PCDHGB4: variants seen among roughly 807,000 people sequenced by gnomAD.
The protein encoded by PCDHGB4 is protocadherin gamma-B4.
In PCDHGB4, 38 loss-of-function variants were observed where a neutral mutation model predicts 60.5. The ratio of observed to expected loss-of-function variants is 0.63; its 90% confidence interval spans 0.48 to 0.82. PCDHGB4 has a LOEUF of 0.82. Among genes scored for constraint, PCDHGB4 ranks in the 40% least tolerant of loss-of-function variants. PCDHGB4 has a pLI of 0.00. For synonymous variants in PCDHGB4, 456 were observed against 509.7 expected, an observed-to-expected ratio of 0.89 and a Z score of 1.42; for missense variants, 1,109 against 1,209.6, an observed-to-expected ratio of 0.92 and a Z score of 1.23.
intron 1 of PCDHGB4, chr5:141,418,417 T>C: frequency 6.2e-7 from 1 of 1,614,002 alleles, no homozygotes; most frequent in Non-Finnish European, 8.5e-7. Flanking sequence ...AAGACAATCC[T>C]GATGGTGGCA....
Position 141,476,340 on chromosome 5 carries a change from G to A in PCDHGB4, c.2398-18467G>A, listed in dbSNP as rs760616287. The A allele has an allele frequency of 2.2e-5, 36 of 1,614,068 alleles. No homozygotes were observed. In the Admixed American group the frequency reaches 2.5e-4, roughly 11 times the overall value. On this transcript the variant is annotated intron_variant, in intron 1 of 3. Transcript: ENST00000519479. The surrounding 1 kb of genome is among the most constrained non-coding windows in gnomAD (Gnocchi z 7.6). The stretch of plus-strand genomic sequence containing the variant: ...CGGGTGGTGTCTGGAGCTAGCCGAA[G>A]ATTCTTTGAGGTGAACCGGGAGACC...
Position 141,419,737 on chromosome 5 carries a change from G to A in PCDHGB4, c.2397+29456G>A, listed in dbSNP as rs201663350. 29 of 1,613,836 alleles carry A rather than the reference G, an allele frequency of 1.8e-5. No individual in the cohort carries two copies. In the African/African-American group the frequency reaches 3.6e-4, roughly 20 times the overall value. ...GCCTGGGGCTGCGAACAGGCGAGGTGCGCATGGTGCGTGCTTTGGGTGACA... is the reference window on the plus strand; with the variant it reads ...GCCTGGGGCTGCGAACAGGCGAGGTACGCATGGTGCGTGCTTTGGGTGACA... On this transcript the variant is annotated intron_variant, in intron 1 of 3. Transcript: ENST00000519479.
Position 141,389,481 on chromosome 5 carries a change from C to G in PCDHGB4, c.1597C>G (p.Arg533Gly), listed in dbSNP as rs372276550. The G allele has an allele frequency of 3.7e-5, 60 of 1,612,962 alleles. No individual in the cohort carries two copies. Among genetic ancestry groups the G allele is most frequent in the African/African-American group, 8.0e-5 (6 of 74,934 alleles). Residue 533 changes from arginine to glycine, a missense_variant, in exon 1 of 4, where the codon CGC becomes GGC. This residue lies in a region of PCDHGB4 where 1,068 missense variants were observed against 1,089.9 expected (regional missense o/e 0.98). Transcript: ENST00000519479. The part of the protein sequence containing the change: ...LRAFELTLQA[R>G]DQGSPALSAN... ...CGCCTTCGAACTCACACTGCAGGCC[C>G]GCGACCAGGGCTCGCCAGCGCTCAG...
chr5:141,391,872 CTT>C (rs1248262671), intron 1 of PCDHGB4: 1 of 152,168 alleles, frequency 6.6e-6, no homozygotes, highest in East Asian at 1.9e-4. Context: ...TTAATCATCT[CTT>C]TGGTGAAAGG....
chr5:141,406,390 ATTC>A (rs2094804697), intron 1 of PCDHGB4, among the ~76,000 whole-genome samples: 1 of 152,172 alleles, frequency 6.6e-6, no homozygotes, highest in Non-Finnish European at 1.5e-5. Flanking sequence ...AGGTAAATGT[ATTC>A]TTCTTAGAGA....
chr5:141,459,084 A>T (rs2098960410), intron 1 of PCDHGB4, among the ~76,000 whole-genome samples: 2 of 152,204 alleles, frequency 1.3e-5, no homozygotes, highest in Non-Finnish European at 2.9e-5. Flanking sequence ...TGCCTTTTAA[A>T]ATTATACAGT....
chr5:141,403,204 G>C, intron 1 of PCDHGB4: 3 of 1,613,952 alleles, frequency 1.9e-6, no homozygotes, highest in Non-Finnish European at 2.5e-6. Flanking sequence ...GCGGCACCTT[G>C]GTCACCGCGG....
At chr5:141,434,658 T>C (rs1243599957) in intron 1 of PCDHGB4, among the ~76,000 whole-genome samples, 2 of 152,198 alleles carry the variant, frequency 1.3e-5, no homozygotes, top group African/African-American at 2.4e-5. Flanking sequence ...ATCTAATATC[T>C]ATAGAAATGA....
intron 1 of PCDHGB4, chr5:141,418,303 G>T: frequency 6.2e-7 from 1 of 1,614,032 alleles, no homozygotes; most frequent in Middle Eastern, 1.6e-4. Flanking sequence ...CCGTCAGCCT[G>T]GGGATGGGAA....
Position 141,394,457 on chromosome 5 carries a change from G to A in PCDHGB4, c.2397+4176G>A, listed in dbSNP as rs375756271. 4 of 1,614,096 alleles carry A rather than the reference G, an allele frequency of 2.5e-6. No homozygotes were observed. The African/African-American group carries it at 4.0e-5, about 16-fold the overall frequency. On this transcript the variant is annotated intron_variant, in intron 1 of 3. Transcript: ENST00000519479. Reference sequence around the variant, plus strand: ...CGCCCCTCAGCAGCAACATGTCACTGAGCCTGTTCGTGCTGGACCAGAATG... The same window carrying A: ...CGCCCCTCAGCAGCAACATGTCACTAAGCCTGTTCGTGCTGGACCAGAATG...
chr5:141,431,584 G>A lies in PCDHGB4; in HGVS notation c.2397+41303G>A, dbSNP rs201462681. 7 of 1,614,074 alleles carry A rather than the reference G, an allele frequency of 4.3e-6. No homozygotes were observed. The African/African-American group carries it at 9.3e-5, about 22-fold the overall frequency. On this transcript the variant is annotated intron_variant, in intron 1 of 3. Coordinates refer to ENST00000519479, the MANE Select transcript of PCDHGB4 (RefSeq NM_003736.4). The surrounding 1 kb of genome is among the most constrained non-coding windows in gnomAD (Gnocchi z 4.8). ...CCGACCCTGACGAAGGAGTCAATGC[G>A]GAAGTGAGGTATTCCTTCCGGTATG... is the stretch of plus-strand genomic sequence containing the variant.
chr5:141,394,760 T>C (rs374519404), intron 1 of PCDHGB4: 68 of 1,613,366 alleles, frequency 4.2e-5, no homozygotes, highest in Middle Eastern at 3.3e-4. Flanking sequence ...TCCAGGACCA[T>C]GGCCAGCCCC....
Position 141,487,623 on chromosome 5 carries a change from CT to C in PCDHGB4, c.2398-7181del. 1 of 1,614,206 alleles carries C rather than the reference CT, an allele frequency of 6.2e-7. No homozygotes were observed. Among genetic ancestry groups the C allele is most frequent in the Non-Finnish European group, 8.5e-7 (1 of 1,180,044 alleles). On this transcript the variant is annotated intron_variant, in intron 1 of 3. Transcript: ENST00000519479. This position sits in a 1 kb window ranked among gnomAD's most constrained non-coding sequence, Gnocchi z 5.0. ...CTTCTCTATGGGCTAGAGGTGAGAC[CT>C]TTGCAGGCTCAACAAATGCTTGAGG...
chr5:141,422,222 C>A (rs1453283842), intron 1 of PCDHGB4: 2 of 1,564,972 alleles, frequency 1.3e-6, no homozygotes, highest in South Asian at 1.2e-5. Flanking sequence ...TTTACCACCA[C>A]GACGATGTTG....
chr5:141,403,182 T>G (rs1458009956), intron 1 of PCDHGB4: 1 of 1,613,858 alleles, frequency 6.2e-7, no homozygotes, highest in Non-Finnish European at 8.5e-7. Context: ...CTTTTCTCTC[T>G]GAACCCGCGC....
intron 1 of PCDHGB4, among the ~76,000 whole-genome samples, chr5:141,449,030 G>C (rs2098623784): frequency 6.6e-6 from 1 of 152,012 alleles, no homozygotes; most frequent in Non-Finnish European, 1.5e-5. Context: ...GCATTCCTTT[G>C]GATTATTAAC....
intron 2 of PCDHGB4, among the ~76,000 whole-genome samples, chr5:141,500,739 C>T (rs1199462920): frequency 6.6e-6 from 1 of 152,114 alleles, no homozygotes; most frequent in Non-Finnish European, 1.5e-5. Context: ...CAAAATTCTT[C>T]CCAAGTCATT....
intron 1 of PCDHGB4, among the ~76,000 whole-genome samples, chr5:141,451,134 T>C (rs567790185): frequency 9.9e-5 from 15 of 152,254 alleles, no homozygotes; most frequent in African/African-American, 3.6e-4. Context: ...AGCCTTATGA[T>C]TGTATTTAGA....
intron 1 of PCDHGB4, chr5:141,427,017 TAC>T (rs764268354): frequency 2.2e-5 from 10 of 456,792 alleles, no homozygotes; most frequent in South Asian, 1.4e-4. Context: ...CCAGGATGTA[TAC>T]AAAGTCAGCC....
Sources: allele counts gnomAD v4.1 joint callset (sites outside exome capture counted in the v4.1 genomes callset), GRCh38; gene constraint gnomAD v4.1.1; regional missense constraint gnomAD v4.1.1; non-coding constraint Gnocchi (gnomAD v3.1); transcripts MANE v1.5; gene names NCBI Gene and HGNC (gene_info 2026-07-23, HGNC 2026-07-21).